PCP4L1: variants seen among roughly 807,000 people sequenced by gnomAD.
PCP4L1 encodes Purkinje cell protein 4 like 1.
In PCP4L1, 9 loss-of-function variants were observed where a neutral mutation model predicts 9.6. The observed-to-expected ratio is 0.94, with a 90% CI of 0.57 to 1.64. The LOEUF is 1.64. Ranked by LOEUF, PCP4L1 falls within the 40% of genes most tolerant of loss-of-function variation. The pLI, the probability that PCP4L1 is intolerant of heterozygous loss-of-function variation, is 0.00. For missense variants in PCP4L1, 81 were observed against 80.8 expected (o/e 1.00, Z -0.01); for synonymous variants, 31 against 28.2 (o/e 1.10, Z -0.31).
chr1:161,284,380 A>G lies in PCP4L1; in HGVS notation c.106A>G (p.Ile36Val). The change falls in exon 3 of 3, where the codon ATT (isoleucine) becomes GTT (valine). Residue 36 changes from isoleucine to valine, a missense_variant. Transcript: ENST00000504449. ...NVKKAEEEEE[I>V]DIDLTAPETE... ...CAAGAAGGCGGAGGAGGAGGAGGAG[A>G]TTGACATTGATCTGACAGCACCAGA... The G allele has an allele frequency of 1.2e-6, 2 of 1,613,894 alleles. No individual in the cohort carries two copies. Among genetic ancestry groups the G allele is most frequent in the Middle Eastern group, 1.6e-4 (1 of 6,062 alleles).
At chr1:161,274,537 T>C (rs1215193588) in intron 1 of PCP4L1, among the ~76,000 whole-genome samples, 1 of 152,208 alleles carries the variant, frequency 6.6e-6, no homozygotes, top group Non-Finnish European at 1.5e-5. Flanking sequence ...GGTCCCAGGG[T>C]GTACCTCTGT....
chr1:161,279,653 T>G (rs1051326244), intron 1 of PCP4L1, among the ~76,000 whole-genome samples: 1 of 152,180 alleles, frequency 6.6e-6, no homozygotes, highest in African/African-American at 2.4e-5. Context: ...GAGAAAACAT[T>G]TATGAAAGCA....
chr1:161,259,086 GC>G (rs1401959553), intron 1 of PCP4L1, 103 bp downstream of exon 1: 2 of 1,458,310 alleles, frequency 1.4e-6, no homozygotes, highest in Non-Finnish European at 1.8e-6. Flanking sequence ...GACCGGAGCC[GC>G]GAAGAACCCT....
chr1:161,285,383 A>ATT lies in PCP4L1; in HGVS notation c.*903_*904insTT, dbSNP rs1289841820. The ATT allele has an allele frequency of 1.6e-4, 24 of 152,316 alleles. No homozygotes were observed. The highest frequency in any genetic ancestry group is 3.1e-4 in the Non-Finnish European group (21 of 68,028). The allele number at this position is 152,316 out of a possible 1,614,324, so 9.4% of individuals were successfully genotyped here. Reference sequence around the variant, plus strand: ...AGGGCAAAAGTGGAATAGCCACTCCATGTGATTTTAGCATGTTTAATCATT... The same window carrying ATT: ...AGGGCAAAAGTGGAATAGCCACTCCATTTGTGATTTTAGCATGTTTAATCATT... On this transcript the variant is annotated 3_prime_UTR_variant, in exon 3 of 3. Transcript: ENST00000504449.
At position 161,258,765 on chromosome 1, in the gene PCP4L1, G is replaced by A; in HGVS notation, c.-210G>A. 1 of 737,424 alleles carries A rather than the reference G, an allele frequency of 1.4e-6. No homozygotes were observed. 45.7% of individuals were successfully genotyped at this position (737,424 alleles called of 1,614,324 possible). A position where few individuals can be genotyped will look rare whatever the true frequency, so the allele number is the denominator to read the frequency against. On this transcript the variant is annotated 5_prime_UTR_variant, in exon 1 of 3. Coordinates refer to ENST00000504449, the MANE Select transcript of PCP4L1 (RefSeq NM_001102566.2). Reference sequence around the variant, plus strand: ...GAGCTGAGCGGCTCTGACAGGACGGGTCGCAGGGGGTCGCCTGGCCGGAGC... The same window carrying A: ...GAGCTGAGCGGCTCTGACAGGACGGATCGCAGGGGGTCGCCTGGCCGGAGC...
In PCP4L1 at chr1:161,258,944, A is replaced by G. The variant is rs1558139920; in HGVS notation, c.-31A>G. On this transcript the variant is annotated 5_prime_UTR_variant, in exon 1 of 3. Coordinates refer to ENST00000504449, the MANE Select transcript of PCP4L1 (RefSeq NM_001102566.2). ...GGCCACTCGCCTCACCTGTGCGTGC[A>G]GCGCCTCGCGCGCCCTGTCCGGCTG... The G allele has an allele frequency of 1.3e-6, 2 of 1,534,768 alleles. No individual in the cohort carries two copies. The highest frequency in any genetic ancestry group is 3.9e-5 in the Admixed American group (2 of 50,946).
chr1:161,261,367 T>C (rs1225124705), intron 1 of PCP4L1, among the ~76,000 whole-genome samples: 2 of 152,232 alleles, frequency 1.3e-5, no homozygotes, highest in African/African-American at 4.8e-5. Context: ...CCTTTGTGGC[T>C]CTTTGCTGTC....
At chr1:161,281,906 G>T (rs1292254847) in intron 1 of PCP4L1, among the ~76,000 whole-genome samples, 2 of 151,500 alleles carry the variant, frequency 1.3e-5, no homozygotes, top group African/African-American at 4.9e-5. Context: ...TAGACGGGAT[G>T]GCGGCCGGGA....
Position 161,281,797 on chromosome 1 carries a change from GGGC to G in PCP4L1, c.10-1870_10-1868del, listed in dbSNP as rs1386636423. 5.7e-5 allele frequency among the ~76,000 whole-genome samples: 3 copies of G among 52,392 alleles called. 1 individual carries two copies. The East Asian group carries it at 4.0e-3, about 69-fold the overall frequency. The allele number at this position is 52,392 out of a possible 152,430, so 34.4% of individuals were successfully genotyped here. On this transcript the variant is annotated intron_variant, in intron 1 of 2. Coordinates refer to ENST00000504449, the MANE Select transcript of PCP4L1 (RefSeq NM_001102566.2). ...TCCTCACATCCCGGACGGGGCGGCGGGGCAGAGGCGCTCCTCACATCCCGGACG... is the reference window on the plus strand; with the variant it reads ...TCCTCACATCCCGGACGGGGCGGCGGAGAGGCGCTCCTCACATCCCGGACG...
intron 1 of PCP4L1, among the ~76,000 whole-genome samples, chr1:161,265,391 A>G (rs1669512987): frequency 6.6e-6 from 1 of 152,074 alleles, no homozygotes; most frequent in African/African-American, 2.4e-5. Flanking sequence ...TTAGCCAGAT[A>G]TGGTGGTGTG....
chr1:161,262,589 G>T (rs932613615), intron 1 of PCP4L1, among the ~76,000 whole-genome samples: 8 of 152,250 alleles, frequency 5.3e-5, no homozygotes, highest in African/African-American at 1.7e-4. Flanking sequence ...GGTAGAAGTG[G>T]ATGACTTTGT....
In PCP4L1 at chr1:161,284,497, C is replaced by T; in HGVS notation, c.*16C>T. ...CAGCTCCTGAATGGCCAGGCTTGCC[C>T]TTCACCTTCACCTTCATGCTGGTCC... On this transcript the variant is annotated 3_prime_UTR_variant, in exon 3 of 3. Transcript: ENST00000504449. 2 of 1,606,242 alleles carry T rather than the reference C, an allele frequency of 1.2e-6. No individual in the cohort carries two copies. The highest frequency in any genetic ancestry group is 1.7e-6 in the Non-Finnish European group (2 of 1,176,106).
chr1:161,278,295 T>C (rs1669735373), intron 1 of PCP4L1, among the ~76,000 whole-genome samples: 2 of 152,196 alleles, frequency 1.3e-5, no homozygotes, highest in African/African-American at 4.8e-5. Flanking sequence ...TATTTCCTAT[T>C]ATCTCCATCA....
At chr1:161,281,626 C>T (rs541415289) in intron 1 of PCP4L1, among the ~76,000 whole-genome samples, 162 of 151,654 alleles carry the variant, frequency 1.1e-3, no homozygotes, top group African/African-American at 3.6e-3. Flanking sequence ...ACCTCCCTCC[C>T]GGACGGGGTG....
chr1:161,283,743 C>T, intron 2 of PCP4L1, 21 bp downstream of exon 2: 1 of 1,597,010 alleles, frequency 6.3e-7, no homozygotes, highest in East Asian at 2.3e-5. Context: ...TTGGGCTAGG[C>T]AGTTTGTAGA....
chr1:161,275,388 C>T (rs556118103), intron 1 of PCP4L1, among the ~76,000 whole-genome samples: 12 of 151,718 alleles, frequency 7.9e-5, no homozygotes, highest in South Asian at 4.2e-4. Context: ...TGGTGGCGGG[C>T]GCCTGTAGTC....
At chr1:161,281,379 G>A (rs1182307059) in intron 1 of PCP4L1, among the ~76,000 whole-genome samples, 1 of 152,124 alleles carries the variant, frequency 6.6e-6, no homozygotes, top group Non-Finnish European at 1.5e-5. Flanking sequence ...ATGGGGTGGT[G>A]GCCGGGCAGA....
intron 1 of PCP4L1, among the ~76,000 whole-genome samples, chr1:161,275,239 G>A (rs759157062): frequency 1.2e-4 from 19 of 152,226 alleles, no homozygotes; most frequent in East Asian, 1.2e-3. Flanking sequence ...TCCAGTGGCC[G>A]GGTGTGGTGG....
chr1:161,277,364 G>A (rs746323441), intron 1 of PCP4L1, among the ~76,000 whole-genome samples: 1 of 152,120 alleles, frequency 6.6e-6, no homozygotes, highest in Admixed American at 6.6e-5. Flanking sequence ...GTATGGAGTC[G>A]GTCTACCTGG....
Sources: gnomAD v4.1 joint callset for allele counts (sites outside exome capture counted in the v4.1 genomes callset) on GRCh38, gnomAD v4.1.1 for gene constraint, MANE v1.5 for transcripts, NCBI Gene and HGNC (gene_info 2026-07-23, HGNC 2026-07-21) for gene names.